Variants in PDE8B observed in about 807,000 individuals in gnomAD.
PDE8B encodes the protein high affinity cAMP-specific and IBMX-insensitive 3',5'-cyclic phosphodiesterase 8B.
A neutral mutation model predicts 101.3 loss-of-function variants in PDE8B; 26 were observed. That is an observed-to-expected ratio of 0.26 (90% CI 0.19 to 0.36). The LOEUF is 0.36. Among genes scored for constraint, PDE8B ranks in the 10% least tolerant of loss-of-function variants. The probability of loss-of-function intolerance (pLI) is 1.00; values close to 1 mark genes in which losing one functional copy is unlikely to be tolerated. For synonymous variants in PDE8B, 424 were observed against 429.3 expected (o/e 0.99, Z 0.15); for missense variants, 810 against 1,163.1 (o/e 0.70, Z 4.42).
At chr5:77,180,960 G>A in the PDE8B span, among the ~76,000 whole-genome samples, 1 of 138,680 alleles carries the variant, frequency 7.2e-6, no homozygotes, top group Admixed American at 7.2e-5. Flanking sequence ...AGCGTGGGGT[G>A]TGTACACGTG....
intron 10 of PDE8B, among the ~76,000 whole-genome samples, chr5:77,398,568 G>A (rs13174807): frequency 0.075 from 11,361 of 152,132 alleles, 468 homozygotes; most frequent in Middle Eastern, 0.12. Context: ...GTGATCACCC[G>A]CTTTGGCCTC....
At chr5:77,159,816 T>C in the PDE8B span, among the ~76,000 whole-genome samples, 792 of 152,280 alleles carry the variant, frequency 5.2e-3, 8 homozygotes, top group African/African-American at 0.019. Context: ...GAAGGGTTGG[T>C]CTCCTCTGGT....
At chr5:77,213,946 T>C (rs1381506389) in intron 1 of PDE8B, 3 of 152,560 alleles carry the variant, frequency 2.0e-5, no homozygotes, top group Non-Finnish European at 4.4e-5. Context: ...TAAGCATTAA[T>C]AATTCATATG....
the PDE8B span, among the ~76,000 whole-genome samples, chr5:77,200,473 T>G: frequency 2.5e-3 from 374 of 152,336 alleles, 4 homozygotes; most frequent in African/African-American, 8.6e-3. Flanking sequence ...TTAGAAGTCC[T>G]TGGTTTTGTG....
intron 2 of PDE8B, among the ~76,000 whole-genome samples, chr5:77,319,981 A>G (rs1366174757): frequency 1.3e-5 from 2 of 152,118 alleles, no homozygotes; most frequent in Non-Finnish European, 2.9e-5. Flanking sequence ...AAGTTACAGT[A>G]TATTAAATAA....
chr5:77,349,987 A>G (rs1024810349), intron 8 of PDE8B, among the ~76,000 whole-genome samples: 4 of 152,086 alleles, frequency 2.6e-5, no homozygotes, highest in Non-Finnish European at 5.9e-5. Flanking sequence ...GCTGTTCAAC[A>G]TACATTTGTA....
At chr5:77,340,303 ATC>A (rs1237472498) in intron 6 of PDE8B, among the ~76,000 whole-genome samples, 3 of 152,240 alleles carry the variant, frequency 2.0e-5, no homozygotes, top group Non-Finnish European at 4.4e-5. Flanking sequence ...GGAACACCAC[ATC>A]TCTCAGTATT....
At chr5:77,321,198 G>A (rs573325395) in intron 2 of PDE8B, among the ~76,000 whole-genome samples, 13 of 139,246 alleles carry the variant, frequency 9.3e-5, no homozygotes, top group African/African-American at 3.5e-4. Flanking sequence ...TGCCCAGGCT[G>A]GAGTGCAATG....
the PDE8B span, among the ~76,000 whole-genome samples, chr5:77,169,637 AT>A: frequency 6.6e-6 from 1 of 152,182 alleles, no homozygotes; most frequent in South Asian, 2.1e-4. Flanking sequence ...AAAGATCAGC[AT>A]GTCTGGAAGG....
At chr5:77,375,100 C>T (rs560098251) in intron 10 of PDE8B, among the ~76,000 whole-genome samples, 2 of 152,342 alleles carry the variant, frequency 1.3e-5, no homozygotes, top group South Asian at 2.1e-4. Flanking sequence ...CTGCCATATA[C>T]GTGATGGTGT....
intron 11 of PDE8B, among the ~76,000 whole-genome samples, chr5:77,403,965 T>C (rs1792856698): frequency 6.6e-6 from 1 of 152,132 alleles, no homozygotes. Flanking sequence ...ATTACAGGCA[T>C]GCACCACCAT....
At chr5:77,162,124 T>C in the PDE8B span, among the ~76,000 whole-genome samples, 1 of 152,034 alleles carries the variant, frequency 6.6e-6, no homozygotes, top group Non-Finnish European at 1.5e-5. Flanking sequence ...CAATTGTTTT[T>C]CTATGTATCG....
chr5:77,268,069 A>C (rs1762094315), intron 1 of PDE8B, among the ~76,000 whole-genome samples: 1 of 151,850 alleles, frequency 6.6e-6, no homozygotes, highest in African/African-American at 2.4e-5. Context: ...ACCTGATGAA[A>C]GGGTGACTTG....
At chr5:77,370,662 T>C (rs1387856626) in intron 10 of PDE8B, among the ~76,000 whole-genome samples, 1 of 152,222 alleles carries the variant, frequency 6.6e-6, no homozygotes, top group Non-Finnish European at 1.5e-5. Flanking sequence ...TTTATTTCTC[T>C]TGGGAAAATA....
intron 10 of PDE8B, among the ~76,000 whole-genome samples, chr5:77,374,886 C>T (rs180771293): frequency 2.2e-3 from 330 of 152,258 alleles, no homozygotes; most frequent in Admixed American, 6.3e-3. Flanking sequence ...CCCCTAAGGA[C>T]TTGGCCTCAG....
chr5:77,293,811 G>T (rs1432394710), intron 1 of PDE8B, among the ~76,000 whole-genome samples: 1 of 152,216 alleles, frequency 6.6e-6, no homozygotes, highest in Non-Finnish European at 1.5e-5. Flanking sequence ...GTTTTAATTA[G>T]TAATTCCCTG....
intron 10 of PDE8B, among the ~76,000 whole-genome samples, chr5:77,368,020 C>T (rs907763416): frequency 3.9e-5 from 6 of 152,188 alleles, no homozygotes; most frequent in African/African-American, 1.4e-4. Flanking sequence ...ACTAATATGT[C>T]CCCATGTGAG....
the PDE8B span, among the ~76,000 whole-genome samples, chr5:77,152,979 T>G: frequency 1.3e-5 from 2 of 152,160 alleles, no homozygotes; most frequent in Admixed American, 6.5e-5. Context: ...AAGTTGCAGT[T>G]CTCAACCAGA....
At chr5:77,170,275 G>A in the PDE8B span, among the ~76,000 whole-genome samples, 2 of 152,140 alleles carry the variant, frequency 1.3e-5, no homozygotes, top group Non-Finnish European at 2.9e-5. Context: ...TTTATTGAGC[G>A]CTTACTCTGT....
Sources: allele counts gnomAD v4.1 joint callset (sites outside exome capture counted in the v4.1 genomes callset), GRCh38; gene constraint gnomAD v4.1.1; transcripts MANE v1.5; gene names NCBI Gene and HGNC (gene_info 2026-07-23, HGNC 2026-07-21).